Variants in PHACTR2 observed in about 807,000 individuals in gnomAD.
The protein encoded by PHACTR2 is chromosome 6 open reading frame 56.
A neutral mutation model predicts 76.0 loss-of-function variants in PHACTR2; 30 were observed. That is an observed-to-expected ratio of 0.39 (90% CI 0.30 to 0.54). PHACTR2 has a LOEUF of 0.54. PHACTR2 is among the 20% of genes least tolerant of loss of function. The probability of loss-of-function intolerance (pLI) is 0.61; values close to 1 mark genes in which losing one functional copy is unlikely to be tolerated. For synonymous variants in PHACTR2, 292 were observed against 292.5 expected (o/e 1.00, Z 0.02); for missense variants, 696 against 781.1 (o/e 0.89, Z 1.30).
At chr6:143,636,659 A>T (rs1331236326) in intron 1 of PHACTR2, among the ~76,000 whole-genome samples, 1 of 152,254 alleles carries the variant, frequency 6.6e-6, no homozygotes, top group African/African-American at 2.4e-5. Flanking sequence ...GCCTTTAAAC[A>T]TTGCCCATGC....
At position 143,767,032 on chromosome 6, in the gene PHACTR2, T is replaced by C. The variant is rs1380515784; in HGVS notation, c.1232+1234T>C. Among the ~76,000 whole-genome samples the C allele has an allele frequency of 1.3e-5, 2 of 152,236 alleles. No homozygotes were observed. The highest frequency in any genetic ancestry group is 4.8e-5 in the African/African-American group (2 of 41,464). ...GTTAGACTTAAAAAAAATTATTACA[T>C]TAATTAGGTTGGTTTTGGTCAAGAA... is the stretch of plus-strand genomic sequence containing the variant. On this transcript the variant is annotated intron_variant, in intron 6 of 12. Transcript: ENST00000440869. This position sits in a 1 kb window ranked among gnomAD's most constrained non-coding sequence, Gnocchi z 4.4.
rs559295195 is a variant in PHACTR2, at chr6:143,789,754, C to G, written c.1845+844C>G. 6.6e-6 allele frequency among the ~76,000 whole-genome samples: 1 copy of G among 152,066 alleles called. No homozygotes were observed. Among genetic ancestry groups the G allele is most frequent in the Non-Finnish European group, 1.5e-5 (1 of 68,012 alleles). On this transcript the variant is annotated intron_variant, in intron 11 of 12. Coordinates refer to ENST00000440869, the MANE Select transcript of PHACTR2 (RefSeq NM_001100164.2). This position sits in a 1 kb window ranked among gnomAD's most constrained non-coding sequence, Gnocchi z 5.1. ...CATTTAATCATGCTCTGTGCTGACTCTTTTTAATAGGAAGCTTCATTATTT... is the reference window on the plus strand; with the variant it reads ...CATTTAATCATGCTCTGTGCTGACTGTTTTTAATAGGAAGCTTCATTATTT...
chr6:143,708,895 T>A lies in PHACTR2; in HGVS notation c.47-3121T>A, dbSNP rs1374570912. Among the ~76,000 whole-genome samples the A allele has an allele frequency of 6.6e-6, 1 of 152,198 alleles. No individual in the cohort carries two copies. The highest frequency in any genetic ancestry group is 1.5e-5 in the Non-Finnish European group (1 of 68,026). ...TGTGGATTGGGAGAGAAAGATCCCA[T>A]GTATTGTAAGAAAATGAAAACTGGA... On this transcript the variant is annotated intron_variant, in intron 1 of 12. Coordinates refer to ENST00000440869, the MANE Select transcript of PHACTR2 (RefSeq NM_001100164.2). This position sits in a 1 kb window ranked among gnomAD's most constrained non-coding sequence, Gnocchi z 5.5.
Position 143,578,646 on chromosome 6 carries a change from G to A in PHACTR2, c.217+41439G>A, listed in dbSNP as rs550680609. 5.3e-5 allele frequency among the ~76,000 whole-genome samples: 8 copies of A among 151,246 alleles called. No individual in the cohort carries two copies. The East Asian group carries it at 9.9e-4, about 19-fold the overall frequency. ...AGGGCCTGGACAATGAGGAGAGGAT[G>A]AGGAGGAGGAGGAGGAGGAAGGAGA... On this transcript the variant is annotated intron_variant, in intron 1 of 11. Coordinates refer to the PHACTR2 transcript ENST00000367584. The surrounding 1 kb of genome is among the most constrained non-coding windows in gnomAD (Gnocchi z 4.5).
chr6:143,601,229 TGGA>T (rs1224485568), intron 1 of PHACTR2, among the ~76,000 whole-genome samples: 2 of 152,236 alleles, frequency 1.3e-5, no homozygotes, highest in East Asian at 3.8e-4. Flanking sequence ...GTTCCAATTC[TGGA>T]GGAGAAGGAA....
intron 2 of PHACTR2, among the ~76,000 whole-genome samples, chr6:143,745,896 T>C (rs1452768479): frequency 1.3e-5 from 2 of 152,256 alleles, no homozygotes; most frequent in South Asian, 2.1e-4. Flanking sequence ...AGGCTGCTGC[T>C]TCAAAGCTCC....
In PHACTR2 at chr6:143,807,194, T is replaced by G; in HGVS notation, c.1922+61T>G. 1 of 968,828 alleles carries G rather than the reference T, an allele frequency of 1.0e-6. No homozygotes were observed. Among genetic ancestry groups the G allele is most frequent in the South Asian group, 1.4e-5 (1 of 69,918 alleles). 60.0% of individuals were successfully genotyped at this position (968,828 alleles called of 1,614,324 possible). The stretch of plus-strand genomic sequence containing the variant: ...CTTAAGATGTGATCCCATGTTGAGT[T>G]GGTTAAAAAAAGAAATTGCTTACAA... On this transcript the variant is annotated intron_variant, in intron 12 of 12. Coordinates refer to ENST00000440869, the MANE Select transcript of PHACTR2 (RefSeq NM_001100164.2). The surrounding 1 kb of genome is among the most constrained non-coding windows in gnomAD (Gnocchi z 5.5).
rs780279434 is a variant in PHACTR2 at position 143,659,275 on chromosome 6, A to G, written c.13+50953A>G. 2.1e-4 allele frequency among the ~76,000 whole-genome samples: 32 copies of G among 152,218 alleles called. No homozygotes were observed. The highest frequency in any genetic ancestry group is 3.5e-4 in the Non-Finnish European group (24 of 68,038). ...GCTTATTGTAACTTTTTTACTTTAT[A>G]AACTTTAAAAATTTTTTAAACTTTT... On this transcript the variant is annotated intron_variant, in intron 1 of 11. Coordinates refer to the PHACTR2 transcript ENST00000305766. This position sits in a 1 kb window ranked among gnomAD's most constrained non-coding sequence, Gnocchi z 5.0.
At chr6:143,609,791 G>C (rs1320907711) in intron 1 of PHACTR2, among the ~76,000 whole-genome samples, 7 of 151,984 alleles carry the variant, frequency 4.6e-5, no homozygotes, top group African/African-American at 1.5e-4. Flanking sequence ...TTTATTTAAA[G>C]GCCATTTAAA....
At chr6:143,637,944 A>T (rs552174252) in intron 1 of PHACTR2, among the ~76,000 whole-genome samples, 1 of 152,364 alleles carries the variant, frequency 6.6e-6, no homozygotes, top group African/African-American at 2.4e-5. Flanking sequence ...GGAGAGGATT[A>T]CACAAAGGCT....
At chr6:143,609,905 C>A (rs1775950170) in intron 1 of PHACTR2, among the ~76,000 whole-genome samples, 1 of 152,138 alleles carries the variant, frequency 6.6e-6, no homozygotes, top group South Asian at 2.1e-4. Flanking sequence ...TTTTCACAAT[C>A]TCTAGTTATG....
chr6:143,790,842 T>C (rs970699396), intron 11 of PHACTR2, among the ~76,000 whole-genome samples: 1 of 152,074 alleles, frequency 6.6e-6, no homozygotes, highest in Non-Finnish European at 1.5e-5. Flanking sequence ...CCCAGCTATT[T>C]TTTACAAAAT....
intron 2 of PHACTR2, among the ~76,000 whole-genome samples, chr6:143,720,115 T>A (rs1778405613): frequency 6.6e-6 from 1 of 152,154 alleles, no homozygotes; most frequent in Admixed American, 6.5e-5. Flanking sequence ...CCCAGCCAAG[T>A]GTTCGACACT....
chr6:143,670,320 T>G (rs1269614741), intron 1 of PHACTR2, among the ~76,000 whole-genome samples: 7 of 152,188 alleles, frequency 4.6e-5, no homozygotes, highest in Non-Finnish European at 8.8e-5. Flanking sequence ...ATTATGTGTC[T>G]TGGGGTTGCT....
At chr6:143,564,642 C>A (rs187530300) in intron 1 of PHACTR2, among the ~76,000 whole-genome samples, 1 of 152,072 alleles carries the variant, frequency 6.6e-6, no homozygotes, top group African/African-American at 2.4e-5. Flanking sequence ...GCTGACGAGG[C>A]CTCGGCTGTG....
chr6:143,548,391 G>C lies in PHACTR2; in HGVS notation c.217+11184G>C, dbSNP rs927560034. 6.6e-5 allele frequency among the ~76,000 whole-genome samples: 10 copies of C among 152,166 alleles called. No individual in the cohort carries two copies. The highest frequency in any genetic ancestry group is 4.6e-4 in the Admixed American group (7 of 15,276). ...GTCCGTAACACTACCTAACTAATCTGTCTTTCCATCCATTCAACCGTCCAT... is the reference window on the plus strand; with the variant it reads ...GTCCGTAACACTACCTAACTAATCTCTCTTTCCATCCATTCAACCGTCCAT... On this transcript the variant is annotated intron_variant, in intron 1 of 11. Transcript: ENST00000367584. The surrounding 1 kb of genome is among the most constrained non-coding windows in gnomAD (Gnocchi z 4.5).
At chr6:143,721,655 GTC>G (rs1211672969) in intron 2 of PHACTR2, among the ~76,000 whole-genome samples, 2 of 143,676 alleles carry the variant, frequency 1.4e-5, no homozygotes, top group East Asian at 2.0e-4. Flanking sequence ...GTGTGTGTGT[GTC>G]TGTGTGTGTG....
intron 1 of PHACTR2, among the ~76,000 whole-genome samples, chr6:143,644,412 G>A (rs1005103671): frequency 2.8e-5 from 4 of 144,992 alleles, no homozygotes; most frequent in Non-Finnish European, 4.5e-5. Flanking sequence ...AGCTTGCAGT[G>A]AGCCGAGATC....
chr6:143,751,634 G>A lies in PHACTR2; in HGVS notation c.296-2120G>A, dbSNP rs537868742. Among the ~76,000 whole-genome samples, 31 of 152,116 alleles carry A rather than the reference G, an allele frequency of 2.0e-4. No homozygotes were observed. The highest frequency in any genetic ancestry group is 7.0e-4 in the African/African-American group (29 of 41,496). On this transcript the variant is annotated intron_variant, in intron 3 of 12. Transcript: ENST00000440869. This position sits in a 1 kb window ranked among gnomAD's most constrained non-coding sequence, Gnocchi z 5.7. ...GTTCCTTATTTAACCACTTGTTCCT[G>A]TTTGTGCTTTATCTCTGTTTTCTTT... is the stretch of plus-strand genomic sequence containing the variant.
Sources: allele counts gnomAD v4.1 joint callset (sites outside exome capture counted in the v4.1 genomes callset), GRCh38; gene constraint gnomAD v4.1.1; non-coding constraint Gnocchi (gnomAD v3.1); transcripts MANE v1.5; gene names NCBI Gene and HGNC (gene_info 2026-07-23, HGNC 2026-07-21).